RYK: variants seen among roughly 807,000 people sequenced by gnomAD.
RYK encodes receptor like tyrosine kinase.
In RYK, 21 loss-of-function variants were observed where a neutral mutation model predicts 70.2. That is an observed-to-expected ratio of 0.30 (90% CI 0.21 to 0.43). The LOEUF (loss-of-function observed/expected upper bound fraction) is 0.43. Among genes scored for constraint, RYK ranks in the 20% least tolerant of loss-of-function variants. The pLI is 1.00. For missense variants in RYK, 604 were observed against 753.3 expected (o/e 0.80, Z 2.32); for synonymous variants, 267 against 278.0 (o/e 0.96, Z 0.39).
Position 134,250,479 on chromosome 3 carries a change from G to A in RYK, c.176C>T (p.Ser59Phe), listed in dbSNP as rs769533417. The A allele has an allele frequency of 2.3e-5, 31 of 1,358,200 alleles. No homozygotes were observed. The highest frequency in any genetic ancestry group is 2.9e-5 in the Non-Finnish European group (30 of 1,050,058). 84.1% of individuals were successfully genotyped at this position (1,358,200 alleles called of 1,614,324 possible). The change falls in exon 1 of 15, where the codon TCC becomes TTC. Residue 59 changes from serine to phenylalanine, a missense_variant. By Grantham distance (155) the Ser-to-Phe change is radical (BLOSUM62 -2). Coordinates refer to ENST00000623711, the MANE Select transcript of RYK (RefSeq NM_002958.4). ...APRPPELQSASAGPSVSLYLS... is the reference protein window; with the variant it reads ...APRPPELQSAFAGPSVSLYLS... ...GTAGAGACTCACGCTGGGCCCCGCG[G>A]AAGCCGACTGCAGCTCCGGGGGCCG...
intron 10 of RYK, chr3:134,179,585 C>T (rs1365456398): frequency 6.6e-6 from 1 of 152,218 alleles, no homozygotes; most frequent in Non-Finnish European, 1.5e-5. Flanking sequence ...AGAAAAATAT[C>T]AGATCTTCAT....
At chr3:134,213,554 T>C (rs1453197065) in intron 2 of RYK, among the ~76,000 whole-genome samples, 1 of 152,054 alleles carries the variant, frequency 6.6e-6, no homozygotes, top group Non-Finnish European at 1.5e-5. Context: ...GCCTTCTGTT[T>C]TTTCCCCATT....
chr3:134,202,582 G>A, intron 6 of RYK, 148 bp downstream of exon 6: 2 of 590,084 alleles, frequency 3.4e-6, no homozygotes, highest in Non-Finnish European at 5.8e-6. Flanking sequence ...ACCAGAGACA[G>A]TGATTAGGTC....
At chr3:134,244,285 G>C (rs1238361223) in intron 1 of RYK, among the ~76,000 whole-genome samples, 3 of 152,096 alleles carry the variant, frequency 2.0e-5, no homozygotes, top group African/African-American at 4.8e-5. Flanking sequence ...GAATTCCACA[G>C]AGCTCAGTAC....
rs548155299 is a variant in RYK at position 134,235,534 on chromosome 3, T to G, written c.233-12995A>C. On this transcript the variant is annotated intron_variant, in intron 1 of 14. Transcript: ENST00000623711. ...TGAAATCTATAGAGAATATCATACT[T>G]TATCTCTCAATTTTAACTCCTTTTT... Among the ~76,000 whole-genome samples the G allele has an allele frequency of 1.8e-4, 27 of 152,230 alleles. 2 individuals carry two copies. In the South Asian group the frequency reaches 5.6e-3, roughly 32 times the overall value.
intron 9 of RYK, among the ~76,000 whole-genome samples, chr3:134,184,429 A>C (rs541865053): frequency 6.6e-6 from 1 of 152,118 alleles, no homozygotes; most frequent in East Asian, 1.9e-4. Flanking sequence ...AGTATAGAGG[A>C]ATTTCTCCAC....
At chr3:134,192,112 T>C (rs543077122) in intron 7 of RYK, 138 bp from the exon 8 acceptor site, 63 of 782,020 alleles carry the variant, frequency 8.1e-5, no homozygotes, top group Admixed American at 2.8e-4. Flanking sequence ...GGCATATATA[T>C]GAACTAGGAG....
At chr3:134,242,035 C>G (rs994982211) in intron 1 of RYK, among the ~76,000 whole-genome samples, 2 of 152,192 alleles carry the variant, frequency 1.3e-5, no homozygotes, top group Non-Finnish European at 2.9e-5. Context: ...GGCAAGGTGG[C>G]TCACGCCTGT....
rs1131262 is a variant in RYK, at chr3:134,222,476, C to T, written c.296G>A (p.Ser99Asn). The T allele has an allele frequency of 0.14, 223,194 of 1,612,718 alleles. 19,252 individuals are homozygous for T. Among genetic ancestry groups the T allele is most frequent in the East Asian group, 0.5 (22,283 of 44,808 alleles). Residue 99 changes from serine (S) to asparagine (N), a missense_variant, in exon 2 of 15, where the codon AGT (serine) becomes AAT (asparagine). By Grantham distance (46) the Ser-to-Asn change is conservative (BLOSUM62 1). Coordinates refer to ENST00000623711, the MANE Select transcript of RYK (RefSeq NM_002958.4). Reference protein sequence around the residue: ...DLISHYALSFSLLVPSETNFL... With the variant: ...DLISHYALSFNLLVPSETNFL... The stretch of plus-strand genomic sequence containing the variant: ...ATTTGTCTCACTGGGTACTAACAGA[C>T]TAAAGGATAGAGCGTAGTGACTAAT...
At chr3:134,214,396 T>C (rs2014491980) in intron 2 of RYK, among the ~76,000 whole-genome samples, 2 of 152,196 alleles carry the variant, frequency 1.3e-5, no homozygotes, top group Admixed American at 6.5e-5. Flanking sequence ...AGGTGCTGTG[T>C]TCATAGCAGG....
intron 9 of RYK, 141 bp from the exon 10 acceptor site, chr3:134,183,212 C>T: frequency 4.5e-6 from 2 of 442,226 alleles, no homozygotes; most frequent in Non-Finnish European, 7.8e-6. Context: ...CTAAATAGAT[C>T]TAGATAAAAA....
chr3:134,236,039 C>A (rs1056845313), intron 1 of RYK, among the ~76,000 whole-genome samples: 2 of 151,700 alleles, frequency 1.3e-5, no homozygotes, highest in African/African-American at 2.4e-5. Context: ...AACTGGGACA[C>A]CCGCATGGTC....
At chr3:134,221,271 C>T (rs1320817582) in intron 2 of RYK, among the ~76,000 whole-genome samples, 1 of 126,502 alleles carries the variant, frequency 7.9e-6, no homozygotes, top group Admixed American at 1.0e-4. Flanking sequence ...GTGGTGCGAT[C>T]TCGGCTCACT....
At chr3:134,217,654 T>C (rs1410054274) in intron 2 of RYK, among the ~76,000 whole-genome samples, 1 of 152,160 alleles carries the variant, frequency 6.6e-6, no homozygotes, top group African/African-American at 2.4e-5. Flanking sequence ...AAGATGTATA[T>C]ATACATATAT....
At chr3:134,186,935 C>A (rs1289717459) in intron 9 of RYK, among the ~76,000 whole-genome samples, 1 of 151,954 alleles carries the variant, frequency 6.6e-6, no homozygotes, top group Non-Finnish European at 1.5e-5. Flanking sequence ...TGTTTAATAA[C>A]CTTATAGTTC....
At chr3:134,217,823 T>C (rs1445935317) in intron 2 of RYK, among the ~76,000 whole-genome samples, 1 of 152,200 alleles carries the variant, frequency 6.6e-6, no homozygotes, top group African/African-American at 2.4e-5. Flanking sequence ...CTTTATGCTT[T>C]TTAAATTTTT....
chr3:134,249,921 T>TTTTGTTTTTTG (rs1553713506), intron 1 of RYK, among the ~76,000 whole-genome samples: 4 of 104,174 alleles, frequency 3.8e-5, no homozygotes, highest in African/African-American at 1.6e-4. Flanking sequence ...TCTCTCGTTT[T>TTTTGTTTTTTG]TTTTTTTTTT....
intron 7 of RYK, among the ~76,000 whole-genome samples, 169 bp downstream of exon 7, chr3:134,194,913 T>C (rs2013765740): frequency 6.6e-6 from 1 of 152,230 alleles, no homozygotes; most frequent in South Asian, 2.1e-4. Flanking sequence ...AATTTTAGAA[T>C]GTTTCATTCA....
chr3:134,198,326 T>C (rs1165108910), intron 6 of RYK, among the ~76,000 whole-genome samples: 1 of 152,250 alleles, frequency 6.6e-6, no homozygotes, highest in Non-Finnish European at 1.5e-5. Context: ...TTTGTACTTT[T>C]CTATTTTTCT....
Sources: gnomAD v4.1 joint callset for allele counts (sites outside exome capture counted in the v4.1 genomes callset) on GRCh38, gnomAD v4.1.1 for gene constraint, MANE v1.5 for transcripts, NCBI Gene and HGNC (gene_info 2026-07-23, HGNC 2026-07-21) for gene names.